The following ABCB7 variants were observed in gnomAD, a reference collection of about 807,000 sequenced individuals.
The protein encoded by ABCB7 is ATP binding cassette subfamily B member 7.
In ABCB7, 7 loss-of-function variants were observed where a neutral mutation model predicts 54.4. That is an observed-to-expected ratio of 0.13 (90% CI 0.07 to 0.24). ABCB7 has a LOEUF of 0.24. Ranked by LOEUF, ABCB7 falls within the 10% of genes least tolerant of loss-of-function variation. ABCB7 has a pLI of 1.00. For missense variants in ABCB7, 356 were observed against 570.4 expected (o/e 0.62, Z 3.83); for synonymous variants, 218 against 207.1 (o/e 1.05, Z -0.45).
chrX:75,153,739 T>C (rs1277436099), intron 1 of ABCB7, among the ~76,000 whole-genome samples: 47 of 32,115 alleles, frequency 1.5e-3, no homozygotes, highest in African/African-American at 2.9e-3. Context: ...TGTGTGTGTG[T>C]GTGTGTGCGT....
intron 10 of ABCB7, among the ~76,000 whole-genome samples, chrX:75,069,937 G>C (rs2081350978): frequency 9.0e-6 from 1 of 110,864 alleles, no homozygotes; most frequent in African/African-American, 3.3e-5. Context: ...TGCAATGGCA[G>C]GATCTCGGCT....
At chrX:75,079,104 G>C in intron 4 of ABCB7, among the ~76,000 whole-genome samples, 1 of 111,748 alleles carries the variant, frequency 8.9e-6, no homozygotes, top group Non-Finnish European at 1.9e-5. Context: ...CCTTGAAAAT[G>C]TTTTTGGATT....
chrX:75,080,253 C>G (rs1329328381), intron 4 of ABCB7, among the ~76,000 whole-genome samples: 3 of 111,832 alleles, frequency 2.7e-5, no homozygotes, highest in Non-Finnish European at 5.6e-5. Context: ...TATGGCATCT[C>G]TATGCTGACC....
At chrX:75,108,315 T>C (rs2081723242) in intron 3 of ABCB7, among the ~76,000 whole-genome samples, 1 of 110,943 alleles carries the variant, frequency 9.0e-6, no homozygotes, top group Non-Finnish European at 1.9e-5. Context: ...TGGCAAAGAA[T>C]GTGGGCCTGG....
intron 1 of ABCB7, among the ~76,000 whole-genome samples, chrX:75,155,681 C>T (rs1392557260): frequency 9.0e-6 from 1 of 111,678 alleles, no homozygotes; most frequent in Admixed American, 9.4e-5. Flanking sequence ...GCTGTCATTA[C>T]AGTGCTCTCC....
chrX:75,069,296 C>A lies in ABCB7; in HGVS notation c.1524G>T (p.Gly508=). ...GKKVAIVGGS[G]SGKSTIVRLL... ...CAAATAACTAAATTACCCACCCTGACCCACTACCTCCTACAATGGCCACTT... is the reference window on the plus strand; with the variant it reads ...CAAATAACTAAATTACCCACCCTGAACCACTACCTCCTACAATGGCCACTT... The change falls in exon 11 of 16, where the codon GGG becomes GGT. Residue 508 remains glycine, a synonymous_variant. Coordinates refer to ENST00000373394, the MANE Select transcript of ABCB7 (RefSeq NM_001271696.3). 8.3e-7 allele frequency: 1 copy of A among 1,209,366 alleles called. No homozygotes were observed.
intron 1 of ABCB7, among the ~76,000 whole-genome samples, chrX:75,153,288 C>T (rs2082146750): frequency 9.0e-6 from 1 of 110,736 alleles, no homozygotes; most frequent in Non-Finnish European, 1.9e-5. Context: ...ACCATGTTAG[C>T]CAGGATGAAT....
chrX:75,123,458 T>C, intron 1 of ABCB7, among the ~76,000 whole-genome samples: 1 of 111,863 alleles, frequency 8.9e-6, no homozygotes, highest in Non-Finnish European at 1.9e-5. Flanking sequence ...TTAGGAACTG[T>C]GATGCCTCCA....
chrX:75,067,485 T>C (rs372140236), intron 12 of ABCB7, among the ~76,000 whole-genome samples: 111 of 110,898 alleles, frequency 1.0e-3, no homozygotes, highest in African/African-American at 3.4e-3. Context: ...TTTTCCTTTT[T>C]TTTTCTTTTT....
At chrX:75,153,756 G>GTATATATACATATA (rs10626282) in intron 1 of ABCB7, among the ~76,000 whole-genome samples, 3 of 91,884 alleles carry the variant, frequency 3.3e-5, no homozygotes, top group African/African-American at 1.2e-4. Flanking sequence ...GCGTGTGTGT[G>GTATATATACATATA]TGTGTATATA....
chrX:75,128,145 A>G (rs1241519286), intron 1 of ABCB7, among the ~76,000 whole-genome samples: 1 of 111,896 alleles, frequency 8.9e-6, no homozygotes, highest in Non-Finnish European at 1.9e-5. Flanking sequence ...AGCCAAGAGA[A>G]TCCTAAAGAA....
intron 2 of ABCB7, among the ~76,000 whole-genome samples, chrX:75,113,424 T>A (rs1350334397): frequency 8.9e-6 from 1 of 112,372 alleles, no homozygotes; most frequent in Non-Finnish European, 1.9e-5. Context: ...ATTCTTTTTC[T>A]TGTTGTACTT....
intron 1 of ABCB7, among the ~76,000 whole-genome samples, chrX:75,127,813 CAGAG>C (rs1284746391): frequency 8.9e-6 from 1 of 111,818 alleles, no homozygotes; most frequent in Non-Finnish European, 1.9e-5. Flanking sequence ...AACAGACAAA[CAGAG>C]AGCGAAATCA....
intron 4 of ABCB7, among the ~76,000 whole-genome samples, chrX:75,096,119 A>G (rs1443879942): frequency 8.9e-6 from 1 of 112,129 alleles, no homozygotes; most frequent in Admixed American, 9.4e-5. Flanking sequence ...ATATGAGCTC[A>G]GAATCATATT....
intron 1 of ABCB7, among the ~76,000 whole-genome samples, chrX:75,128,404 A>G: frequency 9.0e-6 from 1 of 111,705 alleles, no homozygotes; most frequent in Non-Finnish European, 1.9e-5. Context: ...ATAAGCAGAA[A>G]ACTGAAACTG....
chrX:75,113,641 T>A (rs1037664784), intron 2 of ABCB7, among the ~76,000 whole-genome samples: 3 of 111,490 alleles, frequency 2.7e-5, no homozygotes, highest in African/African-American at 9.8e-5. Flanking sequence ...TCAATACTTG[T>A]TGGATTAGAT....
At chrX:75,107,638 G>A (rs1481693726) in intron 3 of ABCB7, among the ~76,000 whole-genome samples, 1 of 111,481 alleles carries the variant, frequency 9.0e-6, no homozygotes. Flanking sequence ...GAAGGACCCA[G>A]TCCTACCAAC....
intron 15 of ABCB7, among the ~76,000 whole-genome samples, chrX:75,058,845 T>C (rs2081261202): frequency 8.9e-6 from 1 of 111,771 alleles, no homozygotes; most frequent in Non-Finnish European, 1.9e-5. Context: ...CTTGGCTGCA[T>C]AGAATCAGAA....
At chrX:75,090,223 G>C (rs1269374973) in intron 4 of ABCB7, among the ~76,000 whole-genome samples, 1 of 108,717 alleles carries the variant, frequency 9.2e-6, no homozygotes, top group Non-Finnish European at 1.9e-5. Context: ...AATTTGCACA[G>C]ATCATTCACC....
Sources: gnomAD v4.1 joint callset for allele counts (sites outside exome capture counted in the v4.1 genomes callset) on GRCh38, gnomAD v4.1.1 for gene constraint, MANE v1.5 for transcripts, NCBI Gene and HGNC (gene_info 2026-07-23, HGNC 2026-07-21) for gene names.